CDH13: variants seen among roughly 807,000 people sequenced by gnomAD.
CDH13 encodes the protein cadherin 13.
In CDH13, 24 loss-of-function variants were observed where a neutral mutation model predicts 63.8. The ratio of observed to expected loss-of-function variants is 0.38; its 90% CI spans 0.27 to 0.53. CDH13 has a LOEUF of 0.53. Ranked by LOEUF, CDH13 falls within the 20% of genes least tolerant of loss-of-function variation. The pLI, the probability that CDH13 is intolerant of heterozygous loss-of-function variation, is 0.85. For synonymous variants in CDH13, 503 were observed against 355.3 expected (o/e 1.42, Z -4.67); for missense variants, 1,049 against 903.1 (o/e 1.16, Z -2.07).
chr16:83,472,679 T>C (rs899053296), intron 6 of CDH13, among the ~76,000 whole-genome samples: 4 of 152,098 alleles, frequency 2.6e-5, no homozygotes, highest in African/African-American at 9.7e-5. Flanking sequence ...GGAAAAGCAG[T>C]ATTATTGTAG....
intron 8 of CDH13, among the ~76,000 whole-genome samples, chr16:83,647,520 A>G (rs560616614): frequency 1.3e-5 from 2 of 152,126 alleles, no homozygotes; most frequent in Admixed American, 6.5e-5. Flanking sequence ...AAATGTGTGT[A>G]TGTGTGTGCA....
At chr16:83,673,221 T>C (rs555612647) in intron 9 of CDH13, among the ~76,000 whole-genome samples, 11 of 152,344 alleles carry the variant, frequency 7.2e-5, no homozygotes, top group African/African-American at 2.6e-4. Flanking sequence ...ATACGAATAC[T>C]GACCCGTACT....
rs1267571132 is a variant in CDH13 at position 82,680,311 on chromosome 16, G to C, written c.45+53174G>C. On this transcript the variant is annotated intron_variant, in intron 1 of 13. Coordinates refer to ENST00000567109, the MANE Select transcript of CDH13 (RefSeq NM_001257.5). ...AGTACTTTCTGCATGTCGTGTGTTA[G>C]ACATCAAGAGTCGAGGCACCCTCAT... Among the ~76,000 whole-genome samples the C allele has an allele frequency of 2.6e-5, 4 of 152,316 alleles. No homozygotes were observed. The South Asian group carries it at 8.3e-4, about 32-fold the overall frequency.
intron 1 of CDH13, among the ~76,000 whole-genome samples, chr16:82,647,353 T>G (rs1002242322): frequency 1.3e-5 from 2 of 152,210 alleles, no homozygotes; most frequent in Non-Finnish European, 2.9e-5. Context: ...TGTCACAGTC[T>G]CAGTTTGAGT....
intron 8 of CDH13, among the ~76,000 whole-genome samples, chr16:83,612,135 C>G (rs749725013): frequency 1.4e-4 from 21 of 152,022 alleles, no homozygotes; most frequent in Non-Finnish European, 2.1e-4. Context: ...ACAGATCTAT[C>G]TATTTCTCCT....
At chr16:83,382,463 C>T (rs997956550) in intron 6 of CDH13, among the ~76,000 whole-genome samples, 5 of 152,140 alleles carry the variant, frequency 3.3e-5, no homozygotes, top group African/African-American at 1.2e-4. Flanking sequence ...ATTCACATTT[C>T]ACTGCGTACA....
chr16:82,729,344 C>T (rs75758379), intron 1 of CDH13, among the ~76,000 whole-genome samples: 1 of 152,284 alleles, frequency 6.6e-6, no homozygotes, highest in African/African-American at 2.4e-5. Context: ...AATAATAAGA[C>T]TTGAAAGTTG....
chr16:83,286,996 C>G (rs1385474268), intron 5 of CDH13, among the ~76,000 whole-genome samples: 2 of 152,052 alleles, frequency 1.3e-5, no homozygotes, highest in African/African-American at 4.8e-5. Flanking sequence ...CTTGAGATTA[C>G]TCCTCCTTTC....
At chr16:83,625,816 A>C (rs1315340391) in intron 8 of CDH13, among the ~76,000 whole-genome samples, 1 of 152,128 alleles carries the variant, frequency 6.6e-6, no homozygotes. Context: ...AAAGTCTGTG[A>C]ATCCACAAAA....
At chr16:82,718,376 C>T (rs4586424) in intron 1 of CDH13, among the ~76,000 whole-genome samples, 1 of 152,148 alleles carries the variant, frequency 6.6e-6, no homozygotes, top group African/African-American at 2.4e-5. Flanking sequence ...GGATTCACCG[C>T]TGACAGCTCT....
chr16:83,645,396 T>A (rs982741977), intron 8 of CDH13, among the ~76,000 whole-genome samples: 3 of 152,026 alleles, frequency 2.0e-5, no homozygotes, highest in African/African-American at 7.3e-5. Context: ...GGACTCCAAA[T>A]GCAGGGAGAG....
intron 1 of CDH13, among the ~76,000 whole-genome samples, chr16:82,807,093 T>A (rs1014730503): frequency 5.9e-5 from 9 of 151,904 alleles, no homozygotes; most frequent in Non-Finnish European, 1.3e-4. Flanking sequence ...CATGCCTTTT[T>A]TTTTTTTTTT....
At chr16:82,783,827 GAAT>G (rs72205420) in intron 1 of CDH13, among the ~76,000 whole-genome samples, 45,114 of 151,794 alleles carry the variant, frequency 0.3, 7,265 homozygotes, top group South Asian at 0.45. Flanking sequence ...TCTGACAAGG[GAAT>G]ACTGGTAATC....
intron 8 of CDH13, among the ~76,000 whole-genome samples, chr16:83,604,004 G>A (rs933431670): frequency 1.3e-5 from 2 of 152,070 alleles, no homozygotes; most frequent in African/African-American, 4.8e-5. Context: ...GACAGCACTA[G>A]GGGGGTGGGT....
intron 2 of CDH13, among the ~76,000 whole-genome samples, chr16:82,968,533 G>T (rs1221983884): frequency 6.6e-6 from 1 of 152,114 alleles, no homozygotes; most frequent in East Asian, 1.9e-4. Context: ...AATCTTTCCT[G>T]AACACTTCAT....
chr16:83,477,917 C>G (rs2073647731), intron 6 of CDH13, among the ~76,000 whole-genome samples: 1 of 152,142 alleles, frequency 6.6e-6, no homozygotes, highest in Non-Finnish European at 1.5e-5. Flanking sequence ...CGCGGTGGCT[C>G]ATACCTGTAA....
At chr16:83,505,287 A>G (rs574552734) in intron 7 of CDH13, among the ~76,000 whole-genome samples, 4 of 152,314 alleles carry the variant, frequency 2.6e-5, no homozygotes, top group African/African-American at 9.6e-5. Context: ...CCTACAACGA[A>G]GGATAATTCA....
rs192121623 is a variant in CDH13, at chr16:82,645,399, C to T, written c.45+18262C>T. On this transcript the variant is annotated intron_variant, in intron 1 of 13. Transcript: ENST00000567109. ...CTTGTTTCTGAAGTGTAGTCTAAACCGTTGGCTCTCAACTGTTGGGGTGAG... is the reference window on the plus strand; with the variant it reads ...CTTGTTTCTGAAGTGTAGTCTAAACTGTTGGCTCTCAACTGTTGGGGTGAG... Among the ~76,000 whole-genome samples, 123 of 152,202 alleles carry T rather than the reference C, an allele frequency of 8.1e-4. 1 individual carries two copies. The highest frequency in any genetic ancestry group is 2.7e-3 in the African/African-American group (114 of 41,514).
At chr16:82,869,341 C>T (rs1027516371) in intron 2 of CDH13, among the ~76,000 whole-genome samples, 6 of 150,614 alleles carry the variant, frequency 4.0e-5, no homozygotes, top group Middle Eastern at 3.2e-3. Context: ...CTGCGCTCAG[C>T]GGGAATTTTT....
Sources: allele counts gnomAD v4.1 joint callset (sites outside exome capture counted in the v4.1 genomes callset), GRCh38; gene constraint gnomAD v4.1.1; transcripts MANE v1.5; gene names NCBI Gene and HGNC (gene_info 2026-07-23, HGNC 2026-07-21).